The following CGNL1 variants were observed in gnomAD, a reference collection of about 807,000 sequenced individuals.
The protein encoded by CGNL1 is cingulin-like protein 1.
A neutral mutation model predicts 141.2 loss-of-function variants in CGNL1; 132 were observed. That is an observed-to-expected ratio of 0.93 (90% CI 0.81 to 1.08). The LOEUF (loss-of-function observed/expected upper bound fraction) is 1.08. Ranked by LOEUF, CGNL1 falls within the 50% of genes least tolerant of loss-of-function variation. The pLI, the probability that CGNL1 is intolerant of heterozygous loss-of-function variation, is 0.00. For missense variants in CGNL1, 1,870 were observed against 1,588.6 expected, an observed-to-expected ratio of 1.18 and a Z score of -3.01; for synonymous variants, 690 against 622.1, an observed-to-expected ratio of 1.11 and a Z score of -1.63.
At chr15:57,536,367 A>T (rs1391834607) in intron 14 of CGNL1, among the ~76,000 whole-genome samples, 1 of 152,222 alleles carries the variant, frequency 6.6e-6, no homozygotes, top group African/African-American at 2.4e-5. Flanking sequence ...CATGCTCAGG[A>T]CAATATTATT....
chr15:57,381,801 T>G (rs2062428050), intron 1 of CGNL1, among the ~76,000 whole-genome samples: 1 of 151,962 alleles, frequency 6.6e-6, no homozygotes, highest in South Asian at 2.1e-4. Context: ...CTACGTGAGG[T>G]AGAGGAAAAT....
chr15:57,545,864 G>A (rs78079288), intron 17 of CGNL1, among the ~76,000 whole-genome samples, 164 bp downstream of exon 17: 4,685 of 152,306 alleles, frequency 0.031, 239 homozygotes, highest in African/African-American at 0.11. Context: ...TCTTGCCTAC[G>A]TAATTAGGGG....
intron 8 of CGNL1, among the ~76,000 whole-genome samples, chr15:57,479,334 G>A (rs1450976032): frequency 6.6e-6 from 1 of 152,180 alleles, no homozygotes; most frequent in African/African-American, 2.4e-5. Context: ...CCTGGGGACT[G>A]ACTAGTGCCC....
At chr15:57,496,593 T>C (rs2063942198) in intron 8 of CGNL1, among the ~76,000 whole-genome samples, 1 of 152,186 alleles carries the variant, frequency 6.6e-6, no homozygotes, top group Non-Finnish European at 1.5e-5. Flanking sequence ...ACTGCTGCTT[T>C]ACTCCATTCC....
At position 57,433,785 on chromosome 15, in the gene CGNL1, A is replaced by C. The variant is rs1358310881; in HGVS notation, c.-15-4200A>C. Among the ~76,000 whole-genome samples the C allele has an allele frequency of 2.6e-5, 4 of 151,990 alleles. No individual in the cohort carries two copies. The East Asian group carries it at 7.7e-4, about 29-fold the overall frequency. On this transcript the variant is annotated intron_variant, in intron 1 of 18. Transcript: ENST00000281282. ...ACTGATGACAGCTGGGAGCTTGGTC[A>C]CTCTTCTGCTCTGTCCATGATGGCA...
rs111735164 is a variant in CGNL1 at position 57,510,847 on chromosome 15, G to C, written c.2404-5933G>C. ...CAGCTATATGTGGTGAAAAGGAATT[G>C]CTTAACTATGTAAACTGGCGTGGGA... On this transcript the variant is annotated intron_variant, in intron 8 of 18. Coordinates refer to ENST00000281282, the MANE Select transcript of CGNL1 (RefSeq NM_032866.5). 6.5e-3 allele frequency among the ~76,000 whole-genome samples: 993 copies of C among 152,258 alleles called. 17 individuals carry two copies. Among genetic ancestry groups the C allele is most frequent in the African/African-American group, 0.022 (935 of 41,558 alleles).
intron 1 of CGNL1, among the ~76,000 whole-genome samples, chr15:57,408,698 A>G (rs1284708057): frequency 6.6e-6 from 1 of 152,074 alleles, no homozygotes; most frequent in Non-Finnish European, 1.5e-5. Flanking sequence ...GTCAATGAGC[A>G]TAGGGGTTCG....
chr15:57,467,319 C>T (rs147422902), intron 8 of CGNL1, among the ~76,000 whole-genome samples: 80 of 152,194 alleles, frequency 5.3e-4, no homozygotes, highest in African/African-American at 1.8e-3. Context: ...CTGGCAATCA[C>T]GAAAGATTTT....
intron 1 of CGNL1, among the ~76,000 whole-genome samples, chr15:57,384,730 G>A (rs2062463562): frequency 1.3e-5 from 2 of 152,026 alleles, no homozygotes; most frequent in Non-Finnish European, 2.9e-5. Context: ...TTAAAGAGAC[G>A]AGACCTCTTT....
intron 14 of CGNL1, among the ~76,000 whole-genome samples, chr15:57,532,620 A>G (rs761645845): frequency 3.3e-5 from 5 of 152,360 alleles, no homozygotes; most frequent in Middle Eastern, 3.4e-3. Flanking sequence ...AACTCCTTCC[A>G]AAACTGCAAA....
chr15:57,430,587 A>T (rs1244438844), intron 1 of CGNL1, among the ~76,000 whole-genome samples: 1 of 152,188 alleles, frequency 6.6e-6, no homozygotes, highest in African/African-American at 2.4e-5. Context: ...GGGCAAGGGA[A>T]GTGGGACCCA....
rs1352448038 is a variant in CGNL1 at position 57,547,715 on chromosome 15, C to T, written c.*225C>T. On this transcript the variant is annotated 3_prime_UTR_variant, in exon 19 of 19. Transcript: ENST00000281282. Reference sequence around the variant, plus strand: ...GTTGGGATGCCTGAGGACCAGGAGCCACCACCCACTGGGGTGTTGTGAGAG... The same window carrying T: ...GTTGGGATGCCTGAGGACCAGGAGCTACCACCCACTGGGGTGTTGTGAGAG... 4.0e-6 allele frequency: 2 copies of T among 499,990 alleles called. No individual in the cohort carries two copies. Among genetic ancestry groups the T allele is most frequent in the Non-Finnish European group, 7.0e-6 (2 of 285,824 alleles). 31.0% of individuals were successfully genotyped at this position (499,990 alleles called of 1,614,324 possible).
intron 12 of CGNL1, among the ~76,000 whole-genome samples, chr15:57,528,257 A>C (rs1180203281): frequency 1.4e-5 from 2 of 140,052 alleles, no homozygotes; most frequent in Non-Finnish European, 3.0e-5. Context: ...ACTCCATCTC[A>C]AAAAAAAAAG....
At chr15:57,442,182 GAAAAA>G (rs61564944) in intron 3 of CGNL1, among the ~76,000 whole-genome samples, 186 bp from the exon 4 acceptor site, 11 of 96,510 alleles carry the variant, frequency 1.1e-4, no homozygotes, top group Non-Finnish European at 1.6e-4. Context: ...TCATTTATTT[GAAAAA>G]AAAAAAAAAA....
chr15:57,382,795 C>T (rs1237346720), intron 1 of CGNL1, among the ~76,000 whole-genome samples: 3 of 152,106 alleles, frequency 2.0e-5, no homozygotes, highest in African/African-American at 7.2e-5. Context: ...GTTGTTAGTC[C>T]CATTTTCCAA....
At chr15:57,499,680 A>G (rs2152387269) in intron 8 of CGNL1, among the ~76,000 whole-genome samples, 1 of 152,344 alleles carries the variant, frequency 6.6e-6, no homozygotes, top group South Asian at 2.1e-4. Context: ...AGAATCTTCC[A>G]CAATATTTCA....
At chr15:57,469,187 C>T (rs527660016) in intron 8 of CGNL1, among the ~76,000 whole-genome samples, 7 of 151,574 alleles carry the variant, frequency 4.6e-5, no homozygotes, top group Admixed American at 4.6e-4. Flanking sequence ...ACTGAGGAGA[C>T]CCCGCAGGGA....
chr15:57,431,544 A>C (rs2063044731), intron 1 of CGNL1, among the ~76,000 whole-genome samples: 1 of 152,172 alleles, frequency 6.6e-6, no homozygotes, highest in Admixed American at 6.5e-5. Flanking sequence ...TCTAGTGTGA[A>C]TATCCCCATA....
intron 8 of CGNL1, among the ~76,000 whole-genome samples, chr15:57,472,349 G>C (rs569391520): frequency 6.6e-6 from 1 of 152,232 alleles, no homozygotes; most frequent in East Asian, 1.9e-4. Context: ...GGTATGAGAG[G>C]AAGTAGAAGC....
Sources: gnomAD v4.1 joint callset for allele counts (sites outside exome capture counted in the v4.1 genomes callset) on GRCh38, gnomAD v4.1.1 for gene constraint, MANE v1.5 for transcripts, NCBI Gene and HGNC (gene_info 2026-07-23, HGNC 2026-07-21) for gene names.